The following OLA1 variants were observed in gnomAD, a reference collection of about 807,000 sequenced individuals.
OLA1 encodes obg-like ATPase 1.
A neutral mutation model predicts 48.4 loss-of-function variants in OLA1; 14 were observed. The ratio of observed to expected loss-of-function variants is 0.29; its 90% CI spans 0.19 to 0.45. OLA1 has a LOEUF of 0.45. Ranked by LOEUF, OLA1 falls within the 20% of genes least tolerant of loss-of-function variation. OLA1 has a pLI of 1.00. For missense variants in OLA1, 325 were observed against 467.1 expected (o/e 0.70, Z 2.80); for synonymous variants, 127 against 150.4 (o/e 0.84, Z 1.14).
At chr2:174,102,387 G>A (rs923198373) in intron 7 of OLA1, among the ~76,000 whole-genome samples, 1 of 151,616 alleles carries the variant, frequency 6.6e-6, no homozygotes, top group Non-Finnish European at 1.5e-5. Flanking sequence ...AGTCATGGCC[G>A]ACAGAGAAAA....
chr2:174,167,491 G>A (rs190980529), intron 4 of OLA1, among the ~76,000 whole-genome samples: 5 of 152,292 alleles, frequency 3.3e-5, no homozygotes, highest in African/African-American at 1.2e-4. Context: ...AAGCAGAATC[G>A]CTTGAACCTG....
intron 7 of OLA1, among the ~76,000 whole-genome samples, chr2:174,117,969 T>A (rs1685822909): frequency 1.3e-5 from 2 of 151,978 alleles, no homozygotes; most frequent in African/African-American, 4.8e-5. Context: ...AGAAAAGAGG[T>A]CTAACTGGCT....
intron 4 of OLA1, among the ~76,000 whole-genome samples, chr2:174,207,697 A>G (rs980308613): frequency 3.3e-5 from 5 of 152,218 alleles, no homozygotes; most frequent in African/African-American, 1.2e-4. Flanking sequence ...GCTAGCAGTT[A>G]TTCAAAAAAA....
intron 5 of OLA1, among the ~76,000 whole-genome samples, chr2:174,129,205 TC>T (rs1258160610): frequency 2.6e-5 from 4 of 152,134 alleles, no homozygotes; most frequent in Non-Finnish European, 5.9e-5. Context: ...ACGCCTGTAA[TC>T]CCAGCACTTT....
At chr2:174,207,132 G>A (rs753111392) in intron 4 of OLA1, among the ~76,000 whole-genome samples, 1 of 152,148 alleles carries the variant, frequency 6.6e-6, no homozygotes, top group South Asian at 2.1e-4. Flanking sequence ...ACCTAAGTTG[G>A]GGGGGAGCAA....
intron 4 of OLA1, among the ~76,000 whole-genome samples, chr2:174,175,188 C>T (rs539114140): frequency 1.2e-4 from 18 of 151,160 alleles, no homozygotes; most frequent in Non-Finnish European, 2.2e-4. Flanking sequence ...TGTAACACAG[C>T]GCTGGGTAAA....
intron 2 of OLA1, among the ~76,000 whole-genome samples, chr2:174,246,386 CA>C (rs1689128440): frequency 6.6e-6 from 1 of 152,164 alleles, no homozygotes; most frequent in East Asian, 1.9e-4. Flanking sequence ...TTTATAACAG[CA>C]AACCTTTTAC....
At chr2:174,125,080 A>G (rs1028470162) in intron 5 of OLA1, among the ~76,000 whole-genome samples, 3 of 152,214 alleles carry the variant, frequency 2.0e-5, no homozygotes, top group African/African-American at 7.2e-5. Flanking sequence ...CAAGGAGAAG[A>G]TCAAAGTGCT....
chr2:174,179,741 C>A (rs924317740), intron 4 of OLA1, among the ~76,000 whole-genome samples: 2 of 151,930 alleles, frequency 1.3e-5, no homozygotes, highest in African/African-American at 4.8e-5. Flanking sequence ...CTAACCCAGA[C>A]CTTAGGGTTT....
At chr2:174,244,631 T>A (rs1689087357) in intron 2 of OLA1, among the ~76,000 whole-genome samples, 1 of 151,526 alleles carries the variant, frequency 6.6e-6, no homozygotes, top group African/African-American at 2.4e-5. Context: ...AAAAAAAAAT[T>A]TTTTTTTTTT....
At chr2:174,190,972 A>C (rs923627936) in intron 4 of OLA1, among the ~76,000 whole-genome samples, 2 of 143,608 alleles carry the variant, frequency 1.4e-5, no homozygotes, top group Non-Finnish European at 3.1e-5. Flanking sequence ...AAAAAAAAGG[A>C]AAGTAACTCT....
chr2:174,196,337 A>C (rs1687878084), intron 4 of OLA1, among the ~76,000 whole-genome samples: 1 of 152,162 alleles, frequency 6.6e-6, no homozygotes, highest in Non-Finnish European at 1.5e-5. Flanking sequence ...ATTTTCACAC[A>C]CATGGGATTT....
intron 2 of OLA1, among the ~76,000 whole-genome samples, chr2:174,240,900 T>C (rs1220602538): frequency 6.6e-6 from 1 of 152,184 alleles, no homozygotes; most frequent in East Asian, 1.9e-4. Context: ...AGGAAAATAG[T>C]GGACTGCAGT....
At chr2:174,153,041 C>G (rs1686783491) in intron 4 of OLA1, among the ~76,000 whole-genome samples, 1 of 152,108 alleles carries the variant, frequency 6.6e-6, no homozygotes, top group South Asian at 2.1e-4. Flanking sequence ...AAACTACCAT[C>G]CCTTTGACAC....
intron 4 of OLA1, among the ~76,000 whole-genome samples, chr2:174,152,761 T>G (rs1388173068): frequency 6.6e-6 from 1 of 152,226 alleles, no homozygotes; most frequent in East Asian, 1.9e-4. Context: ...ATTGGTGGGT[T>G]GTACTGATTT....
intron 5 of OLA1, among the ~76,000 whole-genome samples, chr2:174,139,782 T>A (rs906962740): frequency 6.8e-6 from 1 of 147,928 alleles, no homozygotes; most frequent in Admixed American, 6.9e-5. Context: ...GAAGAATCAC[T>A]TCAACCAGGG....
At chr2:174,157,133 G>C (rs1278238747) in intron 4 of OLA1, among the ~76,000 whole-genome samples, 2 of 152,088 alleles carry the variant, frequency 1.3e-5, no homozygotes, top group African/African-American at 4.8e-5. Flanking sequence ...TCCACTTGGA[G>C]GTGTATAAAT....
At chr2:174,139,018 T>C (rs1686376277) in intron 5 of OLA1, among the ~76,000 whole-genome samples, 1 of 152,230 alleles carries the variant, frequency 6.6e-6, no homozygotes, top group African/African-American at 2.4e-5. Context: ...ACTTCATTTT[T>C]CAAATTTCAT....
At chr2:174,161,894 C>T (rs1259774781) in intron 4 of OLA1, among the ~76,000 whole-genome samples, 5 of 152,112 alleles carry the variant, frequency 3.3e-5, no homozygotes, top group South Asian at 2.1e-4. Flanking sequence ...ATGTAAAAAG[C>T]GTATTTTAGG....
Sources: allele counts gnomAD v4.1 joint callset (sites outside exome capture counted in the v4.1 genomes callset), GRCh38; gene constraint gnomAD v4.1.1; transcripts MANE v1.5; gene names NCBI Gene and HGNC (gene_info 2026-07-23, HGNC 2026-07-21).